Variants in ZNF285 observed in about 807,000 individuals in gnomAD.
ZNF285 encodes the protein zinc finger protein 285.
A neutral mutation model predicts 6.2 loss-of-function variants in ZNF285; 4 were observed. That is an observed-to-expected ratio of 0.65 (90% CI 0.32 to 1.49). ZNF285 has a LOEUF of 1.49. Ranked by LOEUF, ZNF285 falls within the 40% of genes most tolerant of loss-of-function variation. The probability of loss-of-function intolerance (pLI) is 0.07; values close to 1 mark genes in which losing one functional copy is unlikely to be tolerated. For synonymous variants in ZNF285, 240 were observed against 245.8 expected (o/e 0.98, Z 0.22); for missense variants, 695 against 708.8 (o/e 0.98, Z 0.22).
chr19:44,399,828 G>T (rs201967803), intron 1 of ZNF285, among the ~76,000 whole-genome samples: 17 of 152,116 alleles, frequency 1.1e-4, no homozygotes, highest in Middle Eastern at 3.2e-3. Context: ...CTATCCTGGG[G>T]AGTGACAGGG....
rs775371839 is a variant in ZNF285 at position 44,387,581 on chromosome 19, G to A, written c.664C>T (p.Arg222Cys). 3.9e-5 allele frequency: 63 copies of A among 1,613,858 alleles called. No individual in the cohort carries two copies. Among genetic ancestry groups the A allele is most frequent in the Non-Finnish European group, 4.9e-5 (58 of 1,179,838 alleles). Residue 222 changes from arginine (R) to cysteine (C), a missense_variant, in exon 4 of 4, where the codon CGT becomes TGT. Transcript: ENST00000614994. Reference protein sequence around the residue: ...NLGMKSTVEKRNAAHVLPQPF... With the variant: ...NLGMKSTVEKCNAAHVLPQPF... ...TGTGGTAATACATGGGCCGCATTAC[G>A]TTTTTCAACCGTTGATTTCATACCC...
chr19:44,398,839 C>G (rs1278858006), intron 1 of ZNF285, among the ~76,000 whole-genome samples: 3 of 151,998 alleles, frequency 2.0e-5, no homozygotes, highest in Non-Finnish European at 2.9e-5. Context: ...AAAACAAAAG[C>G]CCAAAGCCAT....
chr19:44,399,209 T>C (rs1971334542), intron 1 of ZNF285, among the ~76,000 whole-genome samples: 2 of 147,532 alleles, frequency 1.4e-5, no homozygotes, highest in South Asian at 4.3e-4. Flanking sequence ...CCTTGGACTC[T>C]TTTTCTCTCC....
chr19:44,401,357 C>A (rs1265227101), intron 1 of ZNF285: 2 of 152,154 alleles, frequency 1.3e-5, no homozygotes, highest in African/African-American at 4.8e-5. Flanking sequence ...ACCGAGCCCA[C>A]GCTCGAGCCC....
At chr19:44,399,256 AT>A (rs979307848) in intron 1 of ZNF285, among the ~76,000 whole-genome samples, 1 of 146,390 alleles carries the variant, frequency 6.8e-6, no homozygotes, top group African/African-American at 2.7e-5. Flanking sequence ...ATCACTTCTT[AT>A]TTTGGGCTCC....
In ZNF285 at chr19:44,387,018, A is replaced by G. The variant is rs1971093316; in HGVS notation, c.1227T>C (p.Phe409=). 6.2e-7 allele frequency: 1 copy of G among 1,614,054 alleles called. No homozygotes were observed. Among genetic ancestry groups the G allele is most frequent in the South Asian group, 1.1e-5 (1 of 91,080 alleles). Residue 409 remains phenylalanine, a synonymous_variant, in exon 4 of 4, where the codon TTT becomes TTC. Coordinates refer to ENST00000614994, the MANE Select transcript of ZNF285 (RefSeq NM_152354.6). The part of the protein sequence containing the change: ...PYKCSECGKC[F]SSSSVLQVHW... Reference sequence around the variant, plus strand: ...GGACTTGAAGAACGGAGCTTGAACTAAAGCACTTGCCACACTCACTGCATT... The same window carrying G: ...GGACTTGAAGAACGGAGCTTGAACTGAAGCACTTGCCACACTCACTGCATT...
chr19:44,387,296 T>A lies in ZNF285; in HGVS notation c.949A>T (p.Lys317Ter). 6.2e-7 allele frequency: 1 copy of A among 1,614,168 alleles called. No individual in the cohort carries two copies. Among genetic ancestry groups the A allele is most frequent in the Non-Finnish European group, 8.5e-7 (1 of 1,180,020 alleles). ...AAGCCCTTGCCACATTCTTTACATT[T>A]GTAGGGTTTGTCTCCTGAGGAGACT... The part of the protein sequence containing the change: ...QKVSSGDKPY[K>*]CKECGKGFRR... The change falls in exon 4 of 4, where the codon AAA (lysine) becomes TAA (stop). Residue 317 changes from lysine to a stop codon, truncating the protein, a stop_gained. Coordinates refer to ENST00000614994, the MANE Select transcript of ZNF285 (RefSeq NM_152354.6). LOFTEE classifies it low-confidence loss of function (END_TRUNC).
chr19:44,397,307 G>T, intron 1 of ZNF285, 51 bp from the exon 2 acceptor site: 2 of 1,596,258 alleles, frequency 1.3e-6, no homozygotes, highest in South Asian at 2.2e-5. Flanking sequence ...AGTTGTGAAT[G>T]AACATTGGTT....
chr19:44,395,626 C>T (rs532704073), intron 2 of ZNF285, among the ~76,000 whole-genome samples: 40 of 152,220 alleles, frequency 2.6e-4, no homozygotes, highest in African/African-American at 9.4e-4. Context: ...GAAATATATA[C>T]TGAAATACAC....
Position 44,392,337 on chromosome 19 carries a change from C to T in ZNF285, c.142+3G>A, listed in dbSNP as rs1971209999. ...TCCAGTGGTCTCATGCTCAGTTACT[C>T]ACTCACTAACATGAGGTTCCTGAAG... On this transcript the variant is annotated splice_donor_region_variant and intron_variant, in intron 3 of 3. Transcript: ENST00000614994. The T allele has an allele frequency of 4.3e-6, 7 of 1,613,680 alleles. No homozygotes were observed. The South Asian group carries it at 6.6e-5, about 15-fold the overall frequency.
intron 1 of ZNF285, among the ~76,000 whole-genome samples, chr19:44,399,431 T>G (rs1971339950): frequency 6.9e-6 from 1 of 144,898 alleles, no homozygotes. Context: ...TTTTATCCAC[T>G]GTACTTGGTA....
chr19:44,399,413 CTG>C (rs1186478685), intron 1 of ZNF285, among the ~76,000 whole-genome samples: 1 of 144,764 alleles, frequency 6.9e-6, no homozygotes, highest in Admixed American at 6.8e-5. Context: ...AATAACCAAG[CTG>C]TAGTCTTTTA....
chr19:44,396,338 T>A (rs1409931122), intron 2 of ZNF285, among the ~76,000 whole-genome samples: 1 of 149,456 alleles, frequency 6.7e-6, no homozygotes, highest in Non-Finnish European at 1.5e-5. Context: ...TCATAATTAA[T>A]TTTTTTCATG....
At chr19:44,388,153 A>T (rs781408464) in intron 3 of ZNF285, 51 bp from the exon 4 acceptor site, 23 of 1,527,378 alleles carry the variant, frequency 1.5e-5, no homozygotes, top group Non-Finnish European at 2.0e-5. Context: ...TCATCCATCC[A>T]GAGGTTTTGA....
chr19:44,392,494 A>G (rs1971214433), intron 2 of ZNF285, 28 bp from the exon 3 acceptor site: 1 of 1,613,632 alleles, frequency 6.2e-7, no homozygotes, highest in Non-Finnish European at 8.5e-7. Context: ...TGCCACGTCA[A>G]TCATCCACAC....
chr19:44,392,896 A>G lies in ZNF285; in HGVS notation c.16-430T>C, dbSNP rs551110979. On this transcript the variant is annotated intron_variant, in intron 2 of 3. Transcript: ENST00000614994. ...TGAGTTCATTTCTCATCACACACCA[A>G]GATTTAGTATTTTCACTTTTTCATG... 2.0e-4 allele frequency among the ~76,000 whole-genome samples: 31 copies of G among 152,302 alleles called. 1 individual carries two copies. In the South Asian group the frequency reaches 6.4e-3, roughly 32 times the overall value.
chr19:44,398,172 G>A (rs7256562), intron 1 of ZNF285, among the ~76,000 whole-genome samples: 8,626 of 152,110 alleles, frequency 0.057, 358 homozygotes, highest in East Asian at 0.2. Context: ...ACACACCTAT[G>A]ACATATAAGA....
At position 44,384,082 on chromosome 19, in the gene ZNF285, A is replaced by G; in HGVS notation, c.*2390T>C. On this transcript the variant is annotated 3_prime_UTR_variant, in exon 4 of 4. Coordinates refer to ENST00000614994, the MANE Select transcript of ZNF285 (RefSeq NM_152354.6). ...ATGTGTATCCCGGATTTTTTCTCTA[A>G]CTTAATGTTTGCAAGTAGGAGTACT... The G allele has an allele frequency of 6.6e-6, 1 of 152,116 alleles. No homozygotes were observed. Among genetic ancestry groups the G allele is most frequent in the African/African-American group, 2.4e-5 (1 of 41,438 alleles). 9.4% of individuals were successfully genotyped at this position (152,116 alleles called of 1,614,324 possible).
Position 44,386,729 on chromosome 19 carries a change from G to C in ZNF285, c.1516C>G (p.His506Asp), listed in dbSNP as rs766692418. Residue 506 changes from histidine to aspartate, a missense_variant, in exon 4 of 4, where the codon CAC becomes GAC. His to Asp is a moderately conservative substitution (Grantham distance 81). Coordinates refer to ENST00000614994, the MANE Select transcript of ZNF285 (RefSeq NM_152354.6). ...SSYFHLHQRD[H>D]IREKPYKCDE... ...CATTTATATGGTTTCTCTCTGATGTGATCTCTTTGATGTAAGTGAAAATAT... is the reference window on the plus strand; with the variant it reads ...CATTTATATGGTTTCTCTCTGATGTCATCTCTTTGATGTAAGTGAAAATAT... 5.0e-6 allele frequency: 8 copies of C among 1,614,168 alleles called. No individual in the cohort carries two copies. The East Asian group carries it at 1.8e-4, about 36-fold the overall frequency.
Sources: allele counts gnomAD v4.1 joint callset (sites outside exome capture counted in the v4.1 genomes callset), GRCh38; gene constraint gnomAD v4.1.1; transcripts MANE v1.5; gene names NCBI Gene and HGNC (gene_info 2026-07-23, HGNC 2026-07-21).